The following PPM1L variants were observed in gnomAD, a reference collection of about 807,000 sequenced individuals.
The protein encoded by PPM1L is protein phosphatase 1L.
A neutral mutation model predicts 31.4 loss-of-function variants in PPM1L; 13 were observed. The ratio of observed to expected loss-of-function variants is 0.41; its 90% confidence interval spans 0.27 to 0.66. PPM1L has a LOEUF of 0.66. Ranked by LOEUF, PPM1L falls within the 30% of genes least tolerant of loss-of-function variation. The pLI, the probability that PPM1L is intolerant of heterozygous loss-of-function variation, is 0.29. For missense variants in PPM1L, 326 were observed against 453.7 expected (o/e 0.72, Z 2.56); for synonymous variants, 184 against 175.4 (o/e 1.05, Z -0.39).
At position 160,961,758 on chromosome 3, in the gene PPM1L, C is replaced by G. The variant is rs570283597; in HGVS notation, c.422C>G (p.Ser141Cys). 1 of 1,586,196 alleles carries G rather than the reference C, an allele frequency of 6.3e-7. No homozygotes were observed. Among genetic ancestry groups the G allele is most frequent in the Admixed American group, 1.9e-5 (1 of 53,542 alleles). The change falls in exon 2 of 4, where the codon TCT becomes TGT. Residue 141 changes from serine (S) to cysteine (C), a missense_variant. By Grantham distance (112) the Ser-to-Cys change is moderately radical. Coordinates refer to ENST00000498165, the MANE Select transcript of PPM1L (RefSeq NM_139245.4). ...CAGACTGCAGCTGAATATGTAAAAT[C>G]TCGACTCCCAGAGGCCCTTAAACAG... ...GGETAAEYVKSRLPEALKQHL... is the reference protein window; with the variant it reads ...GGETAAEYVKCRLPEALKQHL...
intron 1 of PPM1L, among the ~76,000 whole-genome samples, chr3:160,908,324 G>T (rs1360421931): frequency 6.6e-6 from 1 of 152,060 alleles, no homozygotes; most frequent in African/African-American, 2.4e-5. Context: ...CTTTAAAATG[G>T]CCTACCAAGA....
At chr3:161,024,258 C>T (rs190558615) in intron 2 of PPM1L, among the ~76,000 whole-genome samples, 1,987 of 142,568 alleles carry the variant, frequency 0.014, 24 homozygotes, top group Middle Eastern at 0.028. Context: ...GGGCAAGACT[C>T]CGTCTCAAAA....
At chr3:160,800,952 A>T (rs1180572376) in intron 1 of PPM1L, among the ~76,000 whole-genome samples, 1 of 152,234 alleles carries the variant, frequency 6.6e-6, no homozygotes, top group African/African-American at 2.4e-5. Flanking sequence ...TGTGGTTTTT[A>T]AAAATAAGAC....
Position 160,984,105 on chromosome 3 carries a change from T to G in PPM1L, c.574+22195T>G, listed in dbSNP as rs879381115. Among the ~76,000 whole-genome samples the G allele has an allele frequency of 2.2e-4, 34 of 152,176 alleles. 1 individual carries two copies. Among genetic ancestry groups the G allele is most frequent in the Admixed American group, 7.2e-4 (11 of 15,274 alleles). On this transcript the variant is annotated intron_variant, in intron 2 of 3. Transcript: ENST00000498165. The stretch of plus-strand genomic sequence containing the variant: ...AGCAGAGAACTGGTCTGACTAGAAT[T>G]TGCCAGGCTGGAATTTCCTAATCCT...
intron 2 of PPM1L, among the ~76,000 whole-genome samples, chr3:161,012,152 G>T (rs1717916164): frequency 6.6e-6 from 1 of 152,140 alleles, no homozygotes; most frequent in African/African-American, 2.4e-5. Flanking sequence ...TTGGCTGTGG[G>T]TTTGTCATAG....
At chr3:160,925,579 GA>G (rs1714559150) in intron 1 of PPM1L, among the ~76,000 whole-genome samples, 1 of 152,128 alleles carries the variant, frequency 6.6e-6, no homozygotes, top group South Asian at 2.1e-4. Context: ...GCCATTACTG[GA>G]AGTAGAAGAC....
At chr3:160,931,604 T>C (rs912372350) in intron 1 of PPM1L, among the ~76,000 whole-genome samples, 1 of 152,152 alleles carries the variant, frequency 6.6e-6, no homozygotes, top group African/African-American at 2.4e-5. Flanking sequence ...TCTCCTAACT[T>C]AGTTTGGTAT....
intron 1 of PPM1L, among the ~76,000 whole-genome samples, chr3:160,886,782 C>T (rs1170162984): frequency 6.6e-6 from 1 of 152,002 alleles, no homozygotes; most frequent in Admixed American, 6.5e-5. Flanking sequence ...CGCAGAAAAC[C>T]CAAAAGGCCA....
At chr3:160,881,173 C>T (rs571252105) in intron 1 of PPM1L, among the ~76,000 whole-genome samples, 2 of 152,220 alleles carry the variant, frequency 1.3e-5, no homozygotes, top group South Asian at 4.1e-4. Flanking sequence ...GAGTACTGTA[C>T]TATTATGCTG....
intron 1 of PPM1L, among the ~76,000 whole-genome samples, chr3:160,824,462 G>A (rs1448763775): frequency 6.6e-6 from 1 of 152,186 alleles, no homozygotes; most frequent in African/African-American, 2.4e-5. Context: ...AGCACCATTA[G>A]TGTATGATTA....
At chr3:160,951,775 C>T (rs1211690060) in intron 1 of PPM1L, among the ~76,000 whole-genome samples, 2 of 152,144 alleles carry the variant, frequency 1.3e-5, no homozygotes, top group Non-Finnish European at 2.9e-5. Context: ...CACTTTAATG[C>T]TTAAATGGGA....
At chr3:160,944,795 T>C (rs1210816588) in intron 1 of PPM1L, among the ~76,000 whole-genome samples, 3 of 27,102 alleles carry the variant, frequency 1.1e-4, no homozygotes, top group African/African-American at 2.2e-4. Flanking sequence ...ATATATGTTA[T>C]ATATAACATA....
chr3:161,047,729 C>T (rs1476251712), intron 2 of PPM1L, among the ~76,000 whole-genome samples: 1 of 152,094 alleles, frequency 6.6e-6, no homozygotes, highest in African/African-American at 2.4e-5. Context: ...GTATTGATAC[C>T]AAAACAGAGA....
chr3:161,001,408 G>A (rs1047269303), intron 2 of PPM1L, among the ~76,000 whole-genome samples: 1 of 151,950 alleles, frequency 6.6e-6, no homozygotes, highest in Non-Finnish European at 1.5e-5. Context: ...TCAGCCTCCC[G>A]AGTAGTTGGG....
At chr3:161,050,101 A>G (rs1252431446) in intron 2 of PPM1L, among the ~76,000 whole-genome samples, 4 of 152,204 alleles carry the variant, frequency 2.6e-5, no homozygotes, top group East Asian at 3.8e-4. Context: ...GCCTCCCATG[A>G]TGAGTCTATG....
Position 161,072,185 on chromosome 3 carries a change from A to T in PPM1L, c.*3028A>T, listed in dbSNP as rs1719945554. The T allele has an allele frequency of 6.6e-6, 1 of 152,236 alleles. No individual in the cohort carries two copies. Among genetic ancestry groups the T allele is most frequent in the Non-Finnish European group, 1.5e-5 (1 of 68,046 alleles). The allele number at this position is 152,236 out of a possible 1,614,324, so 9.4% of individuals were successfully genotyped here. The stretch of plus-strand genomic sequence containing the variant: ...TCTAAAATTCTTTCATCATAGGAAT[A>T]AACAACACATATAGAAAGCTCCAAA... On this transcript the variant is annotated 3_prime_UTR_variant, in exon 4 of 4. Coordinates refer to ENST00000498165, the MANE Select transcript of PPM1L (RefSeq NM_139245.4).
chr3:160,925,678 T>C (rs998874812), intron 1 of PPM1L, among the ~76,000 whole-genome samples: 3 of 152,190 alleles, frequency 2.0e-5, no homozygotes, highest in African/African-American at 7.2e-5. Context: ...GGTTTAATTA[T>C]ACCTATTATT....
chr3:160,779,096 C>G (rs1013068940), intron 1 of PPM1L, among the ~76,000 whole-genome samples: 1 of 109,120 alleles, frequency 9.2e-6, no homozygotes, highest in Non-Finnish European at 1.7e-5. Context: ...TTTTTTGCTA[C>G]TTTCTGCTGT....
chr3:160,993,941 C>G (rs1005884617), intron 2 of PPM1L, among the ~76,000 whole-genome samples: 3 of 151,802 alleles, frequency 2.0e-5, no homozygotes, highest in African/African-American at 4.8e-5. Context: ...CCCATTTTTC[C>G]TCTTTTTTTT....
Sources: allele counts gnomAD v4.1 joint callset (sites outside exome capture counted in the v4.1 genomes callset), GRCh38; gene constraint gnomAD v4.1.1; transcripts MANE v1.5; gene names NCBI Gene and HGNC (gene_info 2026-07-23, HGNC 2026-07-21).